The following ATP8A2 variants were observed in gnomAD, a reference collection of about 807,000 sequenced individuals.
ATP8A2 encodes the protein phospholipid-transporting ATPase IB.
A neutral mutation model predicts 165.6 loss-of-function variants in ATP8A2; 100 were observed. That is an observed-to-expected ratio of 0.60 (90% CI 0.51 to 0.71). The LOEUF (loss-of-function observed/expected upper bound fraction) is 0.71. ATP8A2 is among the 30% of genes least tolerant of loss of function. The pLI is 0.00. For synonymous variants in ATP8A2, 543 were observed against 548.8 expected, an observed-to-expected ratio of 0.99 and a Z score of 0.15; for missense variants, 1,227 against 1,479.5, an observed-to-expected ratio of 0.83 and a Z score of 2.80.
At chr13:25,802,957 G>GTT (rs80079935) in intron 27 of ATP8A2, among the ~76,000 whole-genome samples, 1,730 of 136,218 alleles carry the variant, frequency 0.013, 32 homozygotes, top group African/African-American at 0.043. Flanking sequence ...TCAAAGGTGA[G>GTT]TTTTTTTTTT....
chr13:25,893,878 G>C, intron 33 of ATP8A2, among the ~76,000 whole-genome samples: 1 of 152,074 alleles, frequency 6.6e-6, no homozygotes, highest in East Asian at 1.9e-4. Context: ...CATATCCTTT[G>C]CCCACTTTTT....
chr13:25,977,501 AGAG>A (rs1461376571), intron 35 of ATP8A2, among the ~76,000 whole-genome samples: 4 of 152,200 alleles, frequency 2.6e-5, no homozygotes, highest in African/African-American at 9.7e-5. Context: ...CACAGGAAGG[AGAG>A]GAGGAGGAAA....
intron 27 of ATP8A2, among the ~76,000 whole-genome samples, chr13:25,786,859 G>T (rs145660461): frequency 4.0e-4 from 60 of 151,262 alleles, no homozygotes; most frequent in Non-Finnish European, 5.7e-4. Flanking sequence ...GGGTTTAAGC[G>T]ATTCTCCTGC....
At chr13:25,538,586 T>C (rs1044068048) in intron 7 of ATP8A2, among the ~76,000 whole-genome samples, 1 of 152,248 alleles carries the variant, frequency 6.6e-6, no homozygotes, top group Non-Finnish European at 1.5e-5. Flanking sequence ...TAGGTAGTTT[T>C]ATTCTAGGAA....
intron 1 of ATP8A2, among the ~76,000 whole-genome samples, chr13:25,450,719 G>GA (rs2035200639): frequency 6.6e-6 from 1 of 152,070 alleles, no homozygotes; most frequent in South Asian, 2.1e-4. Flanking sequence ...TTTTAATAGA[G>GA]ACGGGGTTTC....
At chr13:25,636,512 G>A (rs982184621) in intron 24 of ATP8A2, among the ~76,000 whole-genome samples, 1 of 151,938 alleles carries the variant, frequency 6.6e-6, no homozygotes, top group Non-Finnish European at 1.5e-5. Flanking sequence ...TCTGCCCTAT[G>A]TTCTTAGTAT....
intron 24 of ATP8A2, among the ~76,000 whole-genome samples, chr13:25,613,336 A>C (rs2040737800): frequency 6.6e-6 from 1 of 152,214 alleles, no homozygotes. Flanking sequence ...TAATCCCAGC[A>C]CTTTGGAAGA....
chr13:25,924,177 C>T (rs1188345544), intron 33 of ATP8A2, among the ~76,000 whole-genome samples: 2 of 152,180 alleles, frequency 1.3e-5, no homozygotes, highest in Non-Finnish European at 2.9e-5. Context: ...TTAACAAGAA[C>T]AATTAATGCA....
chr13:25,943,437 G>A (rs1411767842), intron 33 of ATP8A2, among the ~76,000 whole-genome samples: 1 of 152,096 alleles, frequency 6.6e-6, no homozygotes, highest in Non-Finnish European at 1.5e-5. Flanking sequence ...TAGATACTTA[G>A]CATTGTGTTA....
intron 28 of ATP8A2, among the ~76,000 whole-genome samples, chr13:25,835,266 TTTG>T (rs1448860922): frequency 6.6e-6 from 1 of 152,082 alleles, no homozygotes; most frequent in Non-Finnish European, 1.5e-5. Flanking sequence ...ACAAACAATT[TTTG>T]TTGTTGTGAG....
intron 33 of ATP8A2, among the ~76,000 whole-genome samples, chr13:25,900,671 T>A (rs1953714739): frequency 6.6e-6 from 1 of 152,186 alleles, no homozygotes; most frequent in Non-Finnish European, 1.5e-5. Context: ...TTTTAAGGTT[T>A]CTCCAAGGTC....
chr13:25,725,571 G>A (rs960353198), intron 25 of ATP8A2, among the ~76,000 whole-genome samples: 1 of 152,220 alleles, frequency 6.6e-6, no homozygotes, highest in South Asian at 2.1e-4. Flanking sequence ...GTCACTGCAT[G>A]CTGTGGGTAT....
At chr13:25,555,177 T>C (rs1309653715) in intron 13 of ATP8A2, 109 bp downstream of exon 13, 2 of 745,868 alleles carry the variant, frequency 2.7e-6, no homozygotes, top group East Asian at 5.0e-5. Flanking sequence ...TCCATGAACA[T>C]GGCTAGAACA....
chr13:25,671,304 T>C (rs9581412), intron 24 of ATP8A2, among the ~76,000 whole-genome samples: 9,567 of 152,184 alleles, frequency 0.063, 582 homozygotes, highest in African/African-American at 0.15. Flanking sequence ...GCATTAACTG[T>C]ACAAATTGTA....
chr13:25,540,610 T>C (rs1005526120), intron 8 of ATP8A2, among the ~76,000 whole-genome samples: 21 of 152,134 alleles, frequency 1.4e-4, no homozygotes, highest in Admixed American at 1.4e-3. Context: ...CAGGCCTTCA[T>C]ATAGCGTCTT....
intron 25 of ATP8A2, among the ~76,000 whole-genome samples, chr13:25,757,915 C>T (rs1345595416): frequency 6.6e-6 from 1 of 152,140 alleles, no homozygotes; most frequent in Non-Finnish European, 1.5e-5. Context: ...GCACAGGGTC[C>T]TGCTGGCTCC....
chr13:25,506,960 TATC>T (rs2137738981), intron 2 of ATP8A2, among the ~76,000 whole-genome samples: 2 of 147,134 alleles, frequency 1.4e-5, no homozygotes, highest in South Asian at 4.2e-4. Flanking sequence ...TATATATATA[TATC>T]TTATTTTACA....
chr13:25,470,686 A>G (rs1158790135), intron 2 of ATP8A2, among the ~76,000 whole-genome samples: 2 of 152,236 alleles, frequency 1.3e-5, no homozygotes, highest in Non-Finnish European at 2.9e-5. Context: ...ATTATTGTGA[A>G]TAGCCCCAAA....
intron 1 of ATP8A2, among the ~76,000 whole-genome samples, chr13:25,417,701 A>G (rs548492968): frequency 1.3e-5 from 2 of 152,352 alleles, no homozygotes; most frequent in Admixed American, 6.5e-5. Flanking sequence ...GAGCCCAGGA[A>G]TCTGCATTTC....
Sources: gnomAD v4.1 joint callset for allele counts (sites outside exome capture counted in the v4.1 genomes callset) on GRCh38, gnomAD v4.1.1 for gene constraint, MANE v1.5 for transcripts, NCBI Gene and HGNC (gene_info 2026-07-23, HGNC 2026-07-21) for gene names.